The following DRC11 variants were observed in gnomAD, a reference collection of about 807,000 sequenced individuals.
DRC11 encodes the protein dynein regulatory complex subunit 11.
chr2:236,401,581 A>C, the DRC11 span, among the ~76,000 whole-genome samples: 1 of 152,182 alleles, frequency 6.6e-6, no homozygotes, highest in Non-Finnish European at 1.5e-5. This position sits in a 1 kb window ranked among gnomAD's most constrained non-coding sequence, Gnocchi z 4.6. Context: ...GAAATGTTGA[A>C]CTCACCCACA....
the DRC11 span, among the ~76,000 whole-genome samples, chr2:236,490,475 AGT>A: frequency 6.6e-6 from 1 of 152,230 alleles, no homozygotes; most frequent in Non-Finnish European, 1.5e-5. This position sits in a 1 kb window ranked among gnomAD's most constrained non-coding sequence, Gnocchi z 5.5. Flanking sequence ...TCAAATTTGC[AGT>A]GAGCACACAT....
the DRC11 span, among the ~76,000 whole-genome samples, chr2:236,403,389 T>C: frequency 6.1e-3 from 929 of 151,486 alleles, 10 homozygotes; most frequent in African/African-American, 0.022. Flanking sequence ...AGAAAGAGGA[T>C]GGCTCTTGAA....
the DRC11 span, among the ~76,000 whole-genome samples, chr2:236,413,330 C>G: frequency 1.3e-5 from 2 of 152,302 alleles, no homozygotes; most frequent in East Asian, 1.9e-4. The surrounding 1 kb of genome is among the most constrained non-coding windows in gnomAD (Gnocchi z 4.0). Flanking sequence ...TCTATTATCT[C>G]TGTCACCCAC....
the DRC11 span, among the ~76,000 whole-genome samples, chr2:236,364,953 C>A: frequency 6.6e-6 from 1 of 152,300 alleles, no homozygotes; most frequent in Admixed American, 6.5e-5. Flanking sequence ...TGAGCAAATT[C>A]TCTTTACCAC....
the DRC11 span, among the ~76,000 whole-genome samples, chr2:236,333,935 G>T: frequency 6.6e-6 from 1 of 152,178 alleles, no homozygotes; most frequent in Non-Finnish European, 1.5e-5. The surrounding 1 kb of genome is among the most constrained non-coding windows in gnomAD (Gnocchi z 6.0). Context: ...ACCAACAAGG[G>T]CCAGAGGGAC....
chr2:236,499,548 C>T, the DRC11 span, among the ~76,000 whole-genome samples: 1 of 152,234 alleles, frequency 6.6e-6, no homozygotes, highest in Non-Finnish European at 1.5e-5. The surrounding 1 kb of genome is among the most constrained non-coding windows in gnomAD (Gnocchi z 4.7). Flanking sequence ...CCTGCCTCAG[C>T]CTCCTGGGTA....
chr2:236,368,136 C>G, the DRC11 span: 4 of 1,011,696 alleles, frequency 4.0e-6, no homozygotes, highest in African/African-American at 3.2e-5. Flanking sequence ...ACTGTCCAAA[C>G]CAGCAAGCGG....
At chr2:236,384,932 G>T in the DRC11 span, among the ~76,000 whole-genome samples, 4 of 151,530 alleles carry the variant, frequency 2.6e-5, no homozygotes, top group South Asian at 2.1e-4. Context: ...TTTCCCCATT[G>T]CTTGTTTTTC....
the DRC11 span, among the ~76,000 whole-genome samples, chr2:236,452,346 A>T: frequency 6.6e-6 from 1 of 152,252 alleles, no homozygotes; most frequent in Non-Finnish European, 1.5e-5. This position sits in a 1 kb window ranked among gnomAD's most constrained non-coding sequence, Gnocchi z 4.7. Flanking sequence ...CTCACATTTC[A>T]GACTCACAGG....
At chr2:236,469,650 TG>T in the DRC11 span, among the ~76,000 whole-genome samples, 1 of 152,214 alleles carries the variant, frequency 6.6e-6, no homozygotes. This position sits in a 1 kb window ranked among gnomAD's most constrained non-coding sequence, Gnocchi z 5.8. Flanking sequence ...AAAATACATT[TG>T]GGTAATTTGT....
At chr2:236,428,611 A>G in the DRC11 span, among the ~76,000 whole-genome samples, 1 of 152,086 alleles carries the variant, frequency 6.6e-6, no homozygotes. Flanking sequence ...CTTCACCTTC[A>G]TTCTATATGT....
chr2:236,363,719 G>C, the DRC11 span: 5 of 1,261,882 alleles, frequency 4.0e-6, no homozygotes, highest in Admixed American at 1.8e-5. The surrounding 1 kb of genome is among the most constrained non-coding windows in gnomAD (Gnocchi z 5.6). Flanking sequence ...TTATCTGCAG[G>C]GTTTGAAAAT....
At chr2:236,437,593 T>C in the DRC11 span, among the ~76,000 whole-genome samples, 3 of 150,258 alleles carry the variant, frequency 2.0e-5, no homozygotes, top group Admixed American at 1.3e-4. Context: ...CCACATCCTC[T>C]CCAGCACCTG....
chr2:236,400,761 G>A, the DRC11 span, among the ~76,000 whole-genome samples: 167 of 152,266 alleles, frequency 1.1e-3, 2 homozygotes, highest in Middle Eastern at 0.01. This position sits in a 1 kb window ranked among gnomAD's most constrained non-coding sequence, Gnocchi z 7.9. Context: ...CCAGGGTTGG[G>A]CTCCGGGATG....
At chr2:236,497,359 AC>A in the DRC11 span, 1 of 1,613,972 alleles carries the variant, frequency 6.2e-7, no homozygotes, top group Non-Finnish European at 8.5e-7. The surrounding 1 kb of genome is among the most constrained non-coding windows in gnomAD (Gnocchi z 5.1). Context: ...CACATACTTT[AC>A]GTAGAAGGTG....
chr2:236,413,539 G>T, the DRC11 span, among the ~76,000 whole-genome samples: 10 of 152,202 alleles, frequency 6.6e-5, no homozygotes, highest in African/African-American at 2.4e-4. The surrounding 1 kb of genome is among the most constrained non-coding windows in gnomAD (Gnocchi z 4.0). Context: ...TAAGAATGTG[G>T]TTGGCTTAAT....
the DRC11 span, among the ~76,000 whole-genome samples, chr2:236,481,079 C>T: frequency 1.3e-5 from 2 of 152,190 alleles, no homozygotes; most frequent in African/African-American, 4.8e-5. Flanking sequence ...CCCAGGGGAC[C>T]TGTGGAGCCT....
At chr2:236,341,756 T>C in the DRC11 span, among the ~76,000 whole-genome samples, 1 of 152,138 alleles carries the variant, frequency 6.6e-6, no homozygotes, top group African/African-American at 2.4e-5. Context: ...CTGTGTGTGG[T>C]GGGGAGAAGG....
chr2:236,464,896 AC>A, the DRC11 span, among the ~76,000 whole-genome samples: 1 of 152,056 alleles, frequency 6.6e-6, no homozygotes, highest in East Asian at 1.9e-4. Context: ...CTCCTGCATC[AC>A]CTTCTGCCGT....
Sources: gnomAD v4.1 joint callset for allele counts (sites outside exome capture counted in the v4.1 genomes callset) on GRCh38, gnomAD v4.1.1 for gene constraint, Gnocchi (gnomAD v3.1) non-coding constraint, MANE v1.5 for transcripts, NCBI Gene and HGNC (gene_info 2026-07-23, HGNC 2026-07-21) for gene names.